Variants in ROBO1 observed in about 807,000 individuals in gnomAD.
ROBO1 encodes roundabout homolog 1.
In ROBO1, 149 loss-of-function variants were observed where a neutral mutation model predicts 195.9. The ratio of observed to expected loss-of-function variants is 0.76; its 90% CI spans 0.67 to 0.87. ROBO1 has a LOEUF of 0.87. Among genes scored for constraint, ROBO1 ranks in the 40% least tolerant of loss-of-function variants. The pLI, the probability that ROBO1 is intolerant of heterozygous loss-of-function variation, is 0.00. For synonymous variants in ROBO1, 816 were observed against 733.2 expected, an observed-to-expected ratio of 1.11 and a Z score of -1.82; for missense variants, 1,933 against 2,068.3, an observed-to-expected ratio of 0.93 and a Z score of 1.27.
At chr3:79,666,317 T>C (rs1267732749) in intron 1 of ROBO1, among the ~76,000 whole-genome samples, 1 of 152,032 alleles carries the variant, frequency 6.6e-6, no homozygotes, top group Non-Finnish European at 1.5e-5. Flanking sequence ...TGTATTCCAC[T>C]GTGGTATAAC....
At chr3:79,432,436 C>T (rs1438003241) in intron 2 of ROBO1, among the ~76,000 whole-genome samples, 1 of 152,038 alleles carries the variant, frequency 6.6e-6, no homozygotes, top group Non-Finnish European at 1.5e-5. Flanking sequence ...CAAACCCAAA[C>T]AAAGATCAAA....
chr3:79,562,581 C>A lies in ROBO1; in HGVS notation c.88+27243G>T, dbSNP rs1264254104. On this transcript the variant is annotated intron_variant, in intron 2 of 30. Transcript: ENST00000464233. ...TGTGCCCAAGAGAATGAATTGAAGA[C>A]TAGAGAAATGTTTTATTGAGCTGAG... Among the ~76,000 whole-genome samples the A allele has an allele frequency of 2.6e-5, 4 of 151,890 alleles. No homozygotes were observed. In the East Asian group the frequency reaches 7.7e-4, roughly 29 times the overall value.
At chr3:79,536,081 T>C (rs1313049556) in intron 2 of ROBO1, among the ~76,000 whole-genome samples, 1 of 152,148 alleles carries the variant, frequency 6.6e-6, no homozygotes, top group Non-Finnish European at 1.5e-5. Flanking sequence ...ATAATATCTC[T>C]AAATAATTTG....
At chr3:78,875,442 G>C (rs550795491) in intron 4 of ROBO1, among the ~76,000 whole-genome samples, 3 of 151,988 alleles carry the variant, frequency 2.0e-5, no homozygotes, top group Admixed American at 6.6e-5. Context: ...CTGGGATCGT[G>C]ACATTATATA....
intron 7 of ROBO1, 73 bp downstream of exon 7, chr3:78,717,202 A>C: frequency 6.9e-7 from 1 of 1,444,394 alleles, no homozygotes; most frequent in South Asian, 1.4e-5. Context: ...AATGGCCCGG[A>C]TGTGGAGATG....
intron 21 of ROBO1, among the ~76,000 whole-genome samples, chr3:78,643,522 A>G (rs1706096181): frequency 6.6e-6 from 1 of 152,170 alleles, no homozygotes; most frequent in Non-Finnish European, 1.5e-5. Flanking sequence ...CAGTGTAGTA[A>G]GGACACATAA....
intron 3 of ROBO1, among the ~76,000 whole-genome samples, chr3:79,055,714 C>T (rs2078794007): frequency 6.6e-6 from 1 of 151,954 alleles, no homozygotes; most frequent in South Asian, 2.1e-4. Context: ...CGGTCTCGGT[C>T]CAAAACATGA....
At chr3:79,667,145 T>C (rs1249576924) in intron 1 of ROBO1, among the ~76,000 whole-genome samples, 1 of 151,928 alleles carries the variant, frequency 6.6e-6, no homozygotes, top group East Asian at 1.9e-4. Context: ...CTTGTTTTTC[T>C]ACTTGACATC....
At chr3:79,687,214 A>C (rs934510297) in intron 1 of ROBO1, among the ~76,000 whole-genome samples, 15 of 152,220 alleles carry the variant, frequency 9.9e-5, no homozygotes, top group African/African-American at 3.6e-4. Context: ...ACAAAAATAA[A>C]TTCAAGATGG....
chr3:78,766,529 G>A (rs996052469), intron 4 of ROBO1, among the ~76,000 whole-genome samples: 10 of 151,932 alleles, frequency 6.6e-5, no homozygotes, highest in Admixed American at 5.9e-4. Flanking sequence ...GAGACTTTAC[G>A]GTTTTTTTAG....
chr3:79,009,065 G>T (rs779780216), intron 3 of ROBO1, among the ~76,000 whole-genome samples: 1 of 150,342 alleles, frequency 6.7e-6, no homozygotes, highest in Non-Finnish European at 1.5e-5. Context: ...CTCGGCCTCC[G>T]GAGTAGCTGA....
At chr3:78,920,308 T>A (rs899445425) in intron 4 of ROBO1, among the ~76,000 whole-genome samples, 28 of 152,122 alleles carry the variant, frequency 1.8e-4, no homozygotes, top group African/African-American at 6.5e-4. Context: ...GGACAATTTT[T>A]TTTTTCTTTT....
intron 2 of ROBO1, among the ~76,000 whole-genome samples, chr3:79,143,388 A>G (rs1576730520): frequency 6.6e-6 from 1 of 152,202 alleles, no homozygotes; most frequent in East Asian, 1.9e-4. Flanking sequence ...TAGGTATAAA[A>G]CATGATAGTG....
intron 17 of ROBO1, among the ~76,000 whole-genome samples, chr3:78,658,326 T>C (rs1346268404): frequency 4.6e-5 from 7 of 152,234 alleles, no homozygotes; most frequent in Non-Finnish European, 1.0e-4. Flanking sequence ...AGTCTTGCTC[T>C]GTGGCTCAGG....
intron 14 of ROBO1, among the ~76,000 whole-genome samples, chr3:78,666,680 C>T (rs987736749): frequency 1.3e-5 from 2 of 152,112 alleles, no homozygotes; most frequent in Non-Finnish European, 1.5e-5. Flanking sequence ...AAGAGACAAA[C>T]GTGGGCATGT....
intron 1 of ROBO1, among the ~76,000 whole-genome samples, chr3:79,733,121 A>G (rs1181320867): frequency 6.6e-6 from 1 of 152,088 alleles, no homozygotes; most frequent in Non-Finnish European, 1.5e-5. Context: ...TCCATCTCCA[A>G]TCGATAAATC....
chr3:78,939,079 G>A (rs571938990), intron 3 of ROBO1, among the ~76,000 whole-genome samples, 152 bp from the exon 4 acceptor site: 1 of 152,028 alleles, frequency 6.6e-6, no homozygotes, highest in African/African-American at 2.4e-5. Context: ...TCTGGTGTCC[G>A]CCTTGACTAC....
At chr3:79,528,513 C>T (rs192547122) in intron 2 of ROBO1, among the ~76,000 whole-genome samples, 1 of 152,194 alleles carries the variant, frequency 6.6e-6, no homozygotes, top group Admixed American at 6.5e-5. Context: ...GTGATTTTAT[C>T]AAAATATTGC....
chr3:79,624,170 C>G (rs556578492), intron 1 of ROBO1, among the ~76,000 whole-genome samples: 1 of 151,988 alleles, frequency 6.6e-6, no homozygotes, highest in Non-Finnish European at 1.5e-5. Context: ...TACCACCAGG[C>G]CTACCATGCA....
Sources: allele counts gnomAD v4.1 joint callset (sites outside exome capture counted in the v4.1 genomes callset), GRCh38; gene constraint gnomAD v4.1.1; transcripts MANE v1.5; gene names NCBI Gene and HGNC (gene_info 2026-07-23, HGNC 2026-07-21).